TNS1: variants seen among roughly 807,000 people sequenced by gnomAD.
TNS1 encodes tensin-1.
TNS1 carries 62 observed loss-of-function variants against 168.6 expected under a neutral mutation model. The ratio of observed to expected loss-of-function variants is 0.37; its 90% CI spans 0.30 to 0.45. The LOEUF is 0.45. Among genes scored for constraint, TNS1 ranks in the 20% least tolerant of loss-of-function variants. TNS1 has a pLI of 1.00. For synonymous variants in TNS1, 934 were observed against 933.2 expected (o/e 1.00, Z -0.02); for missense variants, 2,240 against 2,339.4 (o/e 0.96, Z 0.88).
chr2:217,946,935 TCG>T (rs1247724069), intron 3 of TNS1, among the ~76,000 whole-genome samples: 4 of 124,536 alleles, frequency 3.2e-5, no homozygotes. Context: ...ATTTCCACCA[TCG>T]CTCTCTCTCT....
chr2:217,894,675 A>ACAAC (rs1952089295), intron 9 of TNS1, among the ~76,000 whole-genome samples: 1 of 151,972 alleles, frequency 6.6e-6, no homozygotes, highest in East Asian at 1.9e-4. Flanking sequence ...AAACAAACAA[A>ACAAC]CAAAAAAACC....
chr2:217,832,243 C>A (rs1389614791), intron 21 of TNS1, among the ~76,000 whole-genome samples: 1 of 152,220 alleles, frequency 6.6e-6, no homozygotes, highest in Non-Finnish European at 1.5e-5. Context: ...GCCAAGAGCA[C>A]CCACTCCCTA....
At chr2:217,928,970 G>A (rs1397507892) in intron 3 of TNS1, among the ~76,000 whole-genome samples, 2 of 152,180 alleles carry the variant, frequency 1.3e-5, no homozygotes, top group Non-Finnish European at 2.9e-5. Flanking sequence ...CCACATAAGG[G>A]CCACTCAACA....
intron 19 of TNS1, among the ~76,000 whole-genome samples, chr2:217,846,843 C>T (rs1333601803): frequency 6.6e-6 from 1 of 152,236 alleles, no homozygotes; most frequent in Non-Finnish European, 1.5e-5. Flanking sequence ...CACCTACTTC[C>T]CATACAGGGC....
chr2:217,975,628 A>G (rs1575151296), intron 3 of TNS1, among the ~76,000 whole-genome samples: 2 of 152,302 alleles, frequency 1.3e-5, no homozygotes, highest in East Asian at 1.9e-4. Context: ...CATCTTTCCT[A>G]GAAATTTCTC....
upstream of TNS1, among the ~76,000 whole-genome samples, chr2:218,013,237 C>T (rs1292028682): frequency 1.3e-5 from 2 of 150,830 alleles, no homozygotes; most frequent in African/African-American, 4.9e-5. Context: ...GCCTGGGTGA[C>T]AGAGCGAGAC....
At chr2:217,965,797 C>A (rs1381284815) in intron 3 of TNS1, among the ~76,000 whole-genome samples, 1 of 152,162 alleles carries the variant, frequency 6.6e-6, no homozygotes, top group East Asian at 1.9e-4. Context: ...AAGCCAGAAG[C>A]AGCCAGGGTG....
chr2:218,004,090 G>C (rs1364257677), upstream of TNS1, among the ~76,000 whole-genome samples: 1 of 152,206 alleles, frequency 6.6e-6, no homozygotes, highest in Non-Finnish European at 1.5e-5. Context: ...GACCAACTGA[G>C]GGTGGGTGGG....
At chr2:217,826,078 C>G (rs1943575425) in intron 22 of TNS1, among the ~76,000 whole-genome samples, 1 of 152,172 alleles carries the variant, frequency 6.6e-6, no homozygotes, top group Admixed American at 6.5e-5. Context: ...CCTCCTTTCT[C>G]CTTCCCAGTG....
At chr2:217,982,332 C>T (rs529375091) in intron 2 of TNS1, among the ~76,000 whole-genome samples, 4 of 152,106 alleles carry the variant, frequency 2.6e-5, no homozygotes, top group African/African-American at 9.6e-5. Context: ...AGCCAAGTCA[C>T]TCATGAATTC....
intron 2 of TNS1, among the ~76,000 whole-genome samples, chr2:217,981,544 C>T (rs188110647): frequency 1.4e-4 from 22 of 152,184 alleles, no homozygotes; most frequent in Non-Finnish European, 1.9e-4. Context: ...CAGAGGGGAA[C>T]GAGGGAAGAC....
At chr2:217,883,439 A>AT (rs1391902784) in intron 16 of TNS1, among the ~76,000 whole-genome samples, 1 of 151,686 alleles carries the variant, frequency 6.6e-6, no homozygotes, top group East Asian at 2.0e-4. Context: ...TAATTTTTTT[A>AT]TTTTTTGTAG....
chr2:217,805,494 A>AG (rs1938472522), intron 32 of TNS1, among the ~76,000 whole-genome samples: 1 of 21,056 alleles, frequency 4.7e-5, no homozygotes, highest in Admixed American at 6.1e-4. Context: ...CCACACACAC[A>AG]CCACACACAC....
chr2:217,800,718 A>T lies in TNS1; in HGVS notation c.*3741T>A, dbSNP rs1048294544. On this transcript the variant is annotated 3_prime_UTR_variant, in exon 33 of 33. Transcript: ENST00000682258. ...GGGGCAGGATTGGGTGTCTGCCTTG[A>T]CTCACAGGATCTCCCCAGGTCCTAA... 12 of 151,822 alleles carry T rather than the reference A, an allele frequency of 7.9e-5. No individual in the cohort carries two copies. Among genetic ancestry groups the T allele is most frequent in the African/African-American group, 2.9e-4 (12 of 41,360 alleles). The allele number at this position is 151,822 out of a possible 1,614,324, so 9.4% of individuals were successfully genotyped here. A position where few individuals can be genotyped will look rare whatever the true frequency, so the allele number is the denominator to read the frequency against.
At chr2:218,020,654 T>A (rs1958799575) in intron 1 of TNS1, among the ~76,000 whole-genome samples, 1 of 152,204 alleles carries the variant, frequency 6.6e-6, no homozygotes, top group Non-Finnish European at 1.5e-5. Context: ...TGTGTCCAGC[T>A]GTCATCCCTG....
At chr2:217,809,332 G>T (rs1940064615) in intron 30 of TNS1, among the ~76,000 whole-genome samples, 1 of 82,440 alleles carries the variant, frequency 1.2e-5, no homozygotes, top group Non-Finnish European at 2.5e-5. Flanking sequence ...TGGATGGATG[G>T]ATGGATGGAT....
At chr2:217,940,575 G>A (rs1276245487) in intron 3 of TNS1, among the ~76,000 whole-genome samples, 1 of 152,148 alleles carries the variant, frequency 6.6e-6, no homozygotes, top group South Asian at 2.1e-4. Flanking sequence ...GCAACTTCAT[G>A]TAGTCCCTGA....
At chr2:217,838,340 T>A (rs558242626) in intron 19 of TNS1, among the ~76,000 whole-genome samples, 152 of 152,352 alleles carry the variant, frequency 1.0e-3, no homozygotes, top group African/African-American at 2.6e-3. Context: ...GGGCCACAGA[T>A]GCCTGCAGCA....
At chr2:217,832,914 G>T (rs547939794) in intron 21 of TNS1, among the ~76,000 whole-genome samples, 11 of 152,010 alleles carry the variant, frequency 7.2e-5, no homozygotes, top group Admixed American at 7.2e-4. Flanking sequence ...TCCTCCCTCT[G>T]TCTTTACATA....
Sources: allele counts gnomAD v4.1 joint callset (sites outside exome capture counted in the v4.1 genomes callset), GRCh38; gene constraint gnomAD v4.1.1; transcripts MANE v1.5; gene names NCBI Gene and HGNC (gene_info 2026-07-23, HGNC 2026-07-21).